The following DNAJC25 variants were observed in gnomAD, a reference collection of about 807,000 sequenced individuals.
DNAJC25 encodes dnaJ homolog subfamily C member 25.
In DNAJC25, 26 loss-of-function variants were observed where a neutral mutation model predicts 42.1. The observed-to-expected ratio is 0.62, with a 90% CI of 0.45 to 0.86. The LOEUF is 0.86. Ranked by LOEUF, DNAJC25 falls within the 40% of genes least tolerant of loss-of-function variation. The pLI, the probability that DNAJC25 is intolerant of heterozygous loss-of-function variation, is 0.00. For synonymous variants in DNAJC25, 189 were observed against 179.9 expected (o/e 1.05, Z -0.40); for missense variants, 404 against 459.4 (o/e 0.88, Z 1.10).
chr9:111,633,018 G>T (rs1564081826), intron 1 of DNAJC25, among the ~76,000 whole-genome samples: 1 of 152,132 alleles, frequency 6.6e-6, no homozygotes, highest in African/African-American at 2.4e-5. Flanking sequence ...CTGAGGGATG[G>T]CTGGGGAACT....
At position 111,653,104 on chromosome 9, in the gene DNAJC25, A is replaced by G; in HGVS notation, c.965A>G (p.Tyr322Cys). The G allele has an allele frequency of 1.9e-6, 3 of 1,601,060 alleles. No homozygotes were observed. The highest frequency in any genetic ancestry group is 2.6e-6 in the Non-Finnish European group (3 of 1,172,658). Residue 322 changes from tyrosine (Y) to cysteine (C), a missense_variant, in exon 4 of 4, where the codon TAC becomes TGC. Physicochemically the swap from Tyr to Cys is radical, Grantham distance 194 (BLOSUM62 -2). Coordinates refer to ENST00000313525, the MANE Select transcript of DNAJC25 (RefSeq NM_001015882.3). ...TCTAGTTATTTATACTTACAGGTCT[A>G]CAAGCAAGAACAAGAGGAAGAATTA... ...ELWIKENYEV[Y>C]KQEQEEELKK...
chr9:111,632,845 C>A (rs181482983), intron 1 of DNAJC25, among the ~76,000 whole-genome samples: 1 of 152,162 alleles, frequency 6.6e-6, no homozygotes, highest in East Asian at 1.9e-4. Flanking sequence ...TTTATTGATG[C>A]CTTCCAGAGC....
At position 111,652,979 on chromosome 9, in the gene DNAJC25, C is replaced by G. The variant is rs527385854; in HGVS notation, c.961-121C>G. ...TTTAGTATTTTAGGTGAATGGTTAT[C>G]AATACATTCACTGGAAACTTTTTAC... On this transcript the variant is annotated intron_variant, in intron 3 of 3. Coordinates refer to ENST00000313525, the MANE Select transcript of DNAJC25 (RefSeq NM_001015882.3). 9.6e-5 allele frequency: 91 copies of G among 947,492 alleles called. 1 individual carries two copies. The South Asian group carries it at 2.7e-3, about 28-fold the overall frequency. The allele number at this position is 947,492 out of a possible 1,614,324, so 58.7% of individuals were successfully genotyped here. A position where few individuals can be genotyped will look rare whatever the true frequency, so the allele number is the denominator to read the frequency against.
chr9:111,641,685 T>A (rs1463381132), intron 1 of DNAJC25, among the ~76,000 whole-genome samples: 3 of 40,770 alleles, frequency 7.4e-5, no homozygotes, highest in African/African-American at 3.9e-4. Flanking sequence ...GGGGGGGGGG[T>A]CAGCCCCCCT....
chr9:111,647,775 C>CT (rs1160286165), intron 2 of DNAJC25, among the ~76,000 whole-genome samples: 1 of 152,136 alleles, frequency 6.6e-6, no homozygotes, highest in Non-Finnish European at 1.5e-5. Flanking sequence ...GGCATAGGAA[C>CT]TTTCTGTTTT....
At chr9:111,641,951 C>G (rs1182967357) in intron 1 of DNAJC25, among the ~76,000 whole-genome samples, 407 of 125,294 alleles carry the variant, frequency 3.2e-3, no homozygotes, top group African/African-American at 9.1e-3. Flanking sequence ...TTCAGCCCCC[C>G]GCCCGGCCAG....
intron 1 of DNAJC25, among the ~76,000 whole-genome samples, chr9:111,637,428 A>G (rs1830380514): frequency 6.6e-6 from 1 of 152,220 alleles, no homozygotes; most frequent in Non-Finnish European, 1.5e-5. Context: ...GCAAAAAGGT[A>G]TTCTTGACTG....
At chr9:111,639,897 GCTCTCCCTCTCC>G (rs796321552) in intron 1 of DNAJC25, among the ~76,000 whole-genome samples, 4,054 of 131,716 alleles carry the variant, frequency 0.031, 90 homozygotes, top group Middle Eastern at 0.046. Flanking sequence ...GCAAGGAGGA[GCTCTCCCTCTCC>G]CTCTCCCTCT....
At chr9:111,641,688 G>GC (rs1425499332) in intron 1 of DNAJC25, among the ~76,000 whole-genome samples, 1 of 119,968 alleles carries the variant, frequency 8.3e-6, no homozygotes, top group Non-Finnish European at 1.7e-5. Flanking sequence ...GGGGGGGTCA[G>GC]CCCCCCTGCC....
chr9:111,648,651 T>C (rs1830604666), intron 2 of DNAJC25, among the ~76,000 whole-genome samples: 1 of 152,218 alleles, frequency 6.6e-6, no homozygotes, highest in South Asian at 2.1e-4. Flanking sequence ...TAGAACGATT[T>C]ACCCTTTCAA....
chr9:111,649,851 A>G lies in DNAJC25; in HGVS notation c.888A>G (p.Gln296=), dbSNP rs765267335. The G allele has an allele frequency of 1.5e-5, 24 of 1,612,182 alleles. No individual in the cohort carries two copies. The East Asian group carries it at 4.2e-4, about 28-fold the overall frequency. ...AATCTATGAAGATGTCAAAGTCTCA[A>G]TTTGATAGTCTAGAAGATCATCAGA... ...IRKSMKMSKS[Q]FDSLEDHQKE... is the part of the protein sequence containing the mutation. The change falls in exon 3 of 4, where the codon CAA becomes CAG. Residue 296 remains glutamine (Q), a synonymous_variant. Coordinates refer to ENST00000313525, the MANE Select transcript of DNAJC25 (RefSeq NM_001015882.3).
intron 1 of DNAJC25, among the ~76,000 whole-genome samples, chr9:111,633,557 A>C (rs577354841): frequency 6.6e-5 from 10 of 152,270 alleles, no homozygotes; most frequent in African/African-American, 2.4e-4. Flanking sequence ...CATCTTCTGG[A>C]AGATGGAGAA....
rs1830491181 is a variant in DNAJC25, at chr9:111,642,421, TAAGAGTC to T, written c.337-4684_337-4678del. Among the ~76,000 whole-genome samples, 3 of 139,322 alleles carry T rather than the reference TAAGAGTC, an allele frequency of 2.2e-5. No individual in the cohort carries two copies. In the South Asian group the frequency reaches 7.3e-4, roughly 34 times the overall value. 91.4% of individuals were successfully genotyped at this position (139,322 alleles called of 152,430 possible). ...AGATGCTTGAAGGCAGCATGCTCGTTAAGAGTCATCACCAATCCCTAATCTCAAGTAA... is the reference window on the plus strand; with the variant it reads ...AGATGCTTGAAGGCAGCATGCTCGTTATCACCAATCCCTAATCTCAAGTAA... On this transcript the variant is annotated intron_variant, in intron 1 of 3. Transcript: ENST00000313525.
At chr9:111,638,230 A>G (rs1354267371) in intron 1 of DNAJC25, among the ~76,000 whole-genome samples, 1 of 152,246 alleles carries the variant, frequency 6.6e-6, no homozygotes, top group Non-Finnish European at 1.5e-5. Context: ...GGGAACCAGT[A>G]AGATACTAAA....
At chr9:111,652,794 G>C (rs934082780) in intron 3 of DNAJC25, among the ~76,000 whole-genome samples, 1 of 151,870 alleles carries the variant, frequency 6.6e-6, no homozygotes, top group African/African-American at 2.4e-5. Flanking sequence ...TGATCCACCC[G>C]CCTTGGCCTC....
At position 111,631,452 on chromosome 9, in the gene DNAJC25, C is replaced by T. The variant is rs1830272795; in HGVS notation, c.45C>T (p.Ala15=). 1 of 1,301,408 alleles carries T rather than the reference C, an allele frequency of 7.7e-7. No individual in the cohort carries two copies. Among genetic ancestry groups the T allele is most frequent in the African/African-American group, 1.5e-5 (1 of 64,772 alleles). 80.6% of individuals were successfully genotyped at this position (1,301,408 alleles called of 1,614,324 possible). ...LLSPGWGAGA[A]GRRWWMLLAP... ...CTCCCGGCTGGGGAGCCGGGGCTGC[C>T]GGCCGGCGCTGGTGGATGCTGCTGG... is the stretch of plus-strand genomic sequence containing the variant. The change falls in exon 1 of 4, where the codon GCC becomes GCT. Residue 15 remains alanine (A), a synonymous_variant. Transcript: ENST00000313525.
chr9:111,643,743 A>G (rs1830523360), intron 1 of DNAJC25, among the ~76,000 whole-genome samples: 1 of 152,148 alleles, frequency 6.6e-6, no homozygotes, highest in African/African-American at 2.4e-5. Flanking sequence ...TAAAAAAAAA[A>G]AAAAAATTGT....
chr9:111,642,157 T>C (rs1392470223), intron 1 of DNAJC25, among the ~76,000 whole-genome samples: 1 of 145,764 alleles, frequency 6.9e-6, no homozygotes, highest in Non-Finnish European at 1.5e-5. Context: ...GGCGGCTTTG[T>C]GGAATAGAAA....
intron 1 of DNAJC25, among the ~76,000 whole-genome samples, chr9:111,645,275 G>T (rs1830551387): frequency 6.8e-6 from 1 of 146,718 alleles, no homozygotes; most frequent in Non-Finnish European, 1.5e-5. Context: ...TTTTTTTGGA[G>T]ACAGAGTCTC....
Sources: gnomAD v4.1 joint callset for allele counts (sites outside exome capture counted in the v4.1 genomes callset) on GRCh38, gnomAD v4.1.1 for gene constraint, MANE v1.5 for transcripts, NCBI Gene and HGNC (gene_info 2026-07-23, HGNC 2026-07-21) for gene names.